The following KLRG2 variants were observed in gnomAD, a reference collection of about 807,000 sequenced individuals.
The protein encoded by KLRG2 is killer cell lectin-like receptor subfamily G member 2.
Under a neutral mutation model 35.4 loss-of-function variants are expected in KLRG2, and 39 were observed. That is an observed-to-expected ratio of 1.10 (90% confidence interval 0.85 to 1.44). The LOEUF (loss-of-function observed/expected upper bound fraction) is 1.44. KLRG2 is among the 40% of genes most tolerant of loss of function. The pLI is 0.00. For missense variants in KLRG2, 632 were observed against 570.9 expected, an observed-to-expected ratio of 1.11 and a Z score of -1.09; for synonymous variants, 283 against 265.8, an observed-to-expected ratio of 1.06 and a Z score of -0.63.
At chr7:139,446,466 C>G in the KLRG2 span, among the ~76,000 whole-genome samples, 1 of 150,892 alleles carries the variant, frequency 6.6e-6, no homozygotes, top group South Asian at 2.1e-4. Context: ...TCTCGTGCCT[C>G]AGCCTCCTGA....
At chr7:139,432,834 A>T in the KLRG2 span, among the ~76,000 whole-genome samples, 1 of 152,026 alleles carries the variant, frequency 6.6e-6, no homozygotes, top group African/African-American at 2.4e-5. Context: ...GTATTTTTTT[A>T]AATGATTTTC....
At chr7:139,477,892 G>A (rs1796879050) in intron 3 of KLRG2, among the ~76,000 whole-genome samples, 1 of 151,918 alleles carries the variant, frequency 6.6e-6, no homozygotes, top group Non-Finnish European at 1.5e-5. Flanking sequence ...TGGAGTAGCT[G>A]GGACTACAGG....
intron 1 of KLRG2, among the ~76,000 whole-genome samples, chr7:139,481,926 CT>C (rs1452678989): frequency 2.6e-5 from 4 of 151,086 alleles, no homozygotes. Context: ...AAACTTATTT[CT>C]TAAAAAAAAA....
chr7:139,478,115 TCC>T (rs1183132217), intron 3 of KLRG2, among the ~76,000 whole-genome samples: 1 of 147,470 alleles, frequency 6.8e-6, no homozygotes, highest in Non-Finnish European at 1.5e-5. Context: ...ACACCTGTAA[TCC>T]CAGCACTTTG....
chr7:139,461,603 G>A (rs1796568109), intron 3 of KLRG2, among the ~76,000 whole-genome samples: 1 of 152,140 alleles, frequency 6.6e-6, no homozygotes, highest in Non-Finnish European at 1.5e-5. Flanking sequence ...ACATTACCTT[G>A]TGAAATTCCT....
At chr7:139,468,239 T>C (rs926420387) in intron 3 of KLRG2, among the ~76,000 whole-genome samples, 1 of 152,140 alleles carries the variant, frequency 6.6e-6, no homozygotes, top group African/African-American at 2.4e-5. Flanking sequence ...GGATCCTCTA[T>C]ATGCTGAACG....
rs1326268230 is a variant in KLRG2, at chr7:139,453,704, G to T, written c.1113C>A (p.Leu371=). Residue 371 remains leucine, a synonymous_variant, in exon 5 of 5, where the codon CTC becomes CTA. Coordinates refer to ENST00000340940, the MANE Select transcript of KLRG2 (RefSeq NM_198508.4). ...IDEAPLPPQL[L]PEDGEDNLDI... is the part of the protein sequence containing the mutation. ...CCAGATTGTCCTCGCCGTCCTCAGG[G>T]AGTCTGGGAAAGGATGGGAGGGGAA... 5 of 1,614,090 alleles carry T rather than the reference G, an allele frequency of 3.1e-6. No homozygotes were observed. The highest frequency in any genetic ancestry group is 4.2e-6 in the Non-Finnish European group (5 of 1,179,994).
intron 3 of KLRG2, among the ~76,000 whole-genome samples, chr7:139,466,556 A>G (rs746660143): frequency 6.6e-6 from 1 of 151,958 alleles, no homozygotes; most frequent in Non-Finnish European, 1.5e-5. Flanking sequence ...CTTTACTTTT[A>G]TACTCACTCT....
At position 139,454,358 on chromosome 7, in the gene KLRG2, C is replaced by T. The variant is rs1357445822; in HGVS notation, c.1006-144G>A. 3 of 630,088 alleles carry T rather than the reference C, an allele frequency of 4.8e-6. No homozygotes were observed. In the African/African-American group the frequency reaches 5.7e-5, roughly 12 times the overall value. The allele number at this position is 630,088 out of a possible 1,614,324, so 39.0% of individuals were successfully genotyped here. On this transcript the variant is annotated intron_variant, in intron 3 of 4. Transcript: ENST00000340940. ...AGCCAGCACTTGCAGAACAAAAAAA[C>T]CTTGAAAGCTGGATTGGATGCCTGC...
At chr7:139,445,788 T>TAC in the KLRG2 span, among the ~76,000 whole-genome samples, 1 of 125,974 alleles carries the variant, frequency 7.9e-6, no homozygotes, top group African/African-American at 4.8e-5. Flanking sequence ...TATGTATATA[T>TAC]ATATGTGTGT....
At chr7:139,449,891 C>T (rs564214546), downstream of KLRG2, among the ~76,000 whole-genome samples, 24 of 148,318 alleles carry the variant, frequency 1.6e-4, no homozygotes, top group South Asian at 8.6e-4. Context: ...TTAGTAGAGA[C>T]AGGGTTTCAT....
chr7:139,444,371 G>A, the KLRG2 span, among the ~76,000 whole-genome samples: 1 of 66,110 alleles, frequency 1.5e-5, no homozygotes, highest in South Asian at 3.7e-4. Context: ...AGTAGAGAAG[G>A]GGGTTTCACC....
the KLRG2 span, among the ~76,000 whole-genome samples, chr7:139,428,840 A>T: frequency 1.4e-5 from 2 of 142,464 alleles, no homozygotes; most frequent in Non-Finnish European, 3.0e-5. Context: ...GTATTTAAGG[A>T]TGAAGCATCT....
chr7:139,429,326 ATCACT>A, the KLRG2 span, among the ~76,000 whole-genome samples: 1 of 151,504 alleles, frequency 6.6e-6, no homozygotes, highest in South Asian at 2.1e-4. Flanking sequence ...TAAATAAATC[ATCACT>A]TCAAGTCGTT....
chr7:139,427,280 G>C, the KLRG2 span, among the ~76,000 whole-genome samples: 1 of 152,196 alleles, frequency 6.6e-6, no homozygotes, highest in Non-Finnish European at 1.5e-5. Context: ...CAGCACACTG[G>C]CATGTTCTCC....
At chr7:139,460,886 G>A (rs1264622951) in intron 3 of KLRG2, among the ~76,000 whole-genome samples, 1 of 152,114 alleles carries the variant, frequency 6.6e-6, no homozygotes, top group Non-Finnish European at 1.5e-5. Context: ...TTGAACCCGG[G>A]AGGCAGAGGT....
At chr7:139,433,279 C>T in the KLRG2 span, among the ~76,000 whole-genome samples, 10 of 151,810 alleles carry the variant, frequency 6.6e-5, no homozygotes, top group Admixed American at 6.6e-4. Context: ...GAATCCTGCA[C>T]CTGGGAGGAG....
chr7:139,465,618 G>A lies in KLRG2; in HGVS notation c.1006-11404C>T, dbSNP rs181912505. Among the ~76,000 whole-genome samples the A allele has an allele frequency of 3.0e-3, 448 of 151,830 alleles. 4 individuals are homozygous for A. Among genetic ancestry groups the A allele is most frequent in the African/African-American group, 0.01 (425 of 41,322 alleles). On this transcript the variant is annotated intron_variant, in intron 3 of 4. Coordinates refer to ENST00000340940, the MANE Select transcript of KLRG2 (RefSeq NM_198508.4). ...GAGGCAGGAGAATGGCGTGAACCTG[G>A]GAGGCGGAGCTTGCGGTGAGCCGAG...
At chr7:139,430,537 A>G in the KLRG2 span, among the ~76,000 whole-genome samples, 1 of 152,230 alleles carries the variant, frequency 6.6e-6, no homozygotes, top group Non-Finnish European at 1.5e-5. Context: ...GTGTTGTAAC[A>G]TGGTACAGCT....
Sources: gnomAD v4.1 joint callset for allele counts (sites outside exome capture counted in the v4.1 genomes callset) on GRCh38, gnomAD v4.1.1 for gene constraint, MANE v1.5 for transcripts, NCBI Gene and HGNC (gene_info 2026-07-23, HGNC 2026-07-21) for gene names.